The following GPC4 variants were observed in gnomAD, a reference collection of about 807,000 sequenced individuals.
GPC4 encodes the protein glypican 4.
Under a neutral mutation model 35.0 loss-of-function variants are expected in GPC4, and 10 were observed. The observed-to-expected ratio is 0.29, with a 90% CI of 0.18 to 0.48. The LOEUF (loss-of-function observed/expected upper bound fraction) is 0.48, where lower values mean the gene tolerates loss of function less well. GPC4 is among the 20% of genes least tolerant of loss of function. The pLI is 0.99. For missense variants in GPC4, 322 were observed against 451.3 expected, an observed-to-expected ratio of 0.71 and a Z score of 2.60; for synonymous variants, 167 against 170.2, an observed-to-expected ratio of 0.98 and a Z score of 0.15.
At position 133,362,323 on chromosome X, in the gene GPC4, C is replaced by T. The variant is rs1302898117; in HGVS notation, c.161-22982G>A. Among the ~76,000 whole-genome samples, 3 of 110,728 alleles carry T rather than the reference C, an allele frequency of 2.7e-5. No individual in the cohort carries two copies. The Admixed American group carries it at 2.9e-4, about 11-fold the overall frequency. ...AAACAGTGGGTCACTCATTTTTGTT[C>T]TAAAAATGTCAATGTACCAAATGTC... is the stretch of plus-strand genomic sequence containing the variant. On this transcript the variant is annotated intron_variant, in intron 1 of 8. Coordinates refer to ENST00000370828, the MANE Select transcript of GPC4 (RefSeq NM_001448.3).
rs754737646 is a variant in GPC4, at chrX:133,302,909, G to A, written c.1629C>T (p.Val543=). Residue 543 remains valine, a synonymous_variant, in exon 9 of 9, where the codon GTC becomes GTT. Coordinates refer to ENST00000370828, the MANE Select transcript of GPC4 (RefSeq NM_001448.3). ...RPGAQAYLLT[V]FCILFLVMQR... ...GCATAACCAGGAACAAGATGCAGAAGACAGTGAGGAGGTAGGCCTGTGCCC... is the reference window on the plus strand; with the variant it reads ...GCATAACCAGGAACAAGATGCAGAAAACAGTGAGGAGGTAGGCCTGTGCCC... 7 of 1,209,988 alleles carry A rather than the reference G, an allele frequency of 5.8e-6. No homozygotes were observed. In the South Asian group the frequency reaches 1.1e-4, roughly 18 times the overall value.
chrX:133,362,738 T>C (rs1031988418), intron 1 of GPC4, among the ~76,000 whole-genome samples: 1 of 111,977 alleles, frequency 8.9e-6, no homozygotes, highest in Non-Finnish European at 1.9e-5. Flanking sequence ...GTGTGATGGC[T>C]CACACAATCT....
intron 2 of GPC4, among the ~76,000 whole-genome samples, chrX:133,334,687 C>T (rs1462048446): frequency 8.9e-6 from 1 of 111,782 alleles, no homozygotes; most frequent in African/African-American, 3.3e-5. Context: ...CCCCAGGTCA[C>T]AGTCACAGTG....
rs766166275 is a variant in GPC4, at chrX:133,340,389, G to A, written c.161-1048C>T. On this transcript the variant is annotated intron_variant, in intron 1 of 8. Transcript: ENST00000370828. ...ATTGGTGTGGTATAATTTTGTACAC[G>A]TTTACAAGGATTGACTCTCACTGTT... Among the ~76,000 whole-genome samples, 3 of 111,543 alleles carry A rather than the reference G, an allele frequency of 2.7e-5. No individual in the cohort carries two copies. In the South Asian group the frequency reaches 1.1e-3, roughly 43 times the overall value.
intron 1 of GPC4, among the ~76,000 whole-genome samples, chrX:133,411,113 A>G (rs1332094396): frequency 8.9e-6 from 1 of 112,609 alleles, no homozygotes; most frequent in Non-Finnish European, 1.9e-5. Flanking sequence ...TTTTCCACGT[A>G]GTCATAACAG....
chrX:133,396,646 T>A (rs1396295484), intron 1 of GPC4, among the ~76,000 whole-genome samples: 1 of 111,810 alleles, frequency 8.9e-6, no homozygotes, highest in African/African-American at 3.2e-5. Flanking sequence ...AACAGCCGAG[T>A]TGCCATTAGT....
chrX:133,386,987 G>A (rs898251657), intron 1 of GPC4, among the ~76,000 whole-genome samples: 3 of 111,211 alleles, frequency 2.7e-5, no homozygotes, highest in African/African-American at 9.8e-5. Flanking sequence ...AGTTTCATGC[G>A]ACCTGACATG....
At chrX:133,390,120 C>T (rs755205625) in intron 1 of GPC4, among the ~76,000 whole-genome samples, 102 of 110,703 alleles carry the variant, frequency 9.2e-4, no homozygotes, top group African/African-American at 3.3e-3. Context: ...CCCAAGCCAG[C>T]GTTCTCGTTA....
intron 1 of GPC4, among the ~76,000 whole-genome samples, chrX:133,356,798 C>G (rs1404810529): frequency 9.0e-6 from 1 of 111,650 alleles, no homozygotes; most frequent in Non-Finnish European, 1.9e-5. Flanking sequence ...TAAGACACTC[C>G]ACATCACCAA....
At chrX:133,378,950 T>C (rs1300871698) in intron 1 of GPC4, among the ~76,000 whole-genome samples, 4 of 111,865 alleles carry the variant, frequency 3.6e-5, no homozygotes, top group Non-Finnish European at 7.5e-5. Flanking sequence ...CCTAAGAAAA[T>C]GAGCACAGAC....
At position 133,326,943 on chromosome X, in the gene GPC4, G is replaced by A. The variant is rs183118938; in HGVS notation, c.320-2407C>T. 3.7e-4 allele frequency among the ~76,000 whole-genome samples: 42 copies of A among 112,646 alleles called. 1 individual carries two copies. The highest frequency in any genetic ancestry group is 1.3e-3 in the African/African-American group (41 of 31,034). ...CTAGCATCCTTGCCAAGTGGTGATT[G>A]CTCATGGAGGGCATAAAAGGCACAC... On this transcript the variant is annotated intron_variant, in intron 2 of 8. Coordinates refer to ENST00000370828, the MANE Select transcript of GPC4 (RefSeq NM_001448.3).
intron 1 of GPC4, among the ~76,000 whole-genome samples, chrX:133,402,323 G>T (rs2068770184): frequency 8.9e-6 from 1 of 112,109 alleles, no homozygotes; most frequent in African/African-American, 3.2e-5. Flanking sequence ...CTGGGATGAT[G>T]ACGTCAAGGG....
intron 1 of GPC4, among the ~76,000 whole-genome samples, chrX:133,352,953 G>A (rs2068523090): frequency 8.9e-6 from 1 of 112,098 alleles, no homozygotes; most frequent in Middle Eastern, 4.6e-3. Context: ...AAGTATTAAT[G>A]TGTCTACTTA....
At chrX:133,303,913 G>GGAAGGAAGGAAGGAAT (rs1569340100) in intron 7 of GPC4, among the ~76,000 whole-genome samples, 2 of 101,854 alleles carry the variant, frequency 2.0e-5, no homozygotes, top group Admixed American at 2.2e-4. Flanking sequence ...GAGGAAGGAA[G>GGAAGGAAGGAAGGAAT]GAAGGAAGGA....
chrX:133,324,076 T>C, intron 3 of GPC4, 69 bp downstream of exon 3: 1 of 1,098,657 alleles, frequency 9.1e-7, no homozygotes, highest in South Asian at 2.2e-5. Flanking sequence ...TTTCTACCTT[T>C]CCCAAACATT....
intron 1 of GPC4, among the ~76,000 whole-genome samples, chrX:133,360,389 G>A (rs770408734): frequency 4.3e-4 from 48 of 111,362 alleles, no homozygotes; most frequent in Admixed American, 2.0e-3. Flanking sequence ...CATATGGAGA[G>A]GCTTTAAAAT....
At chrX:133,364,056 A>G (rs927182527) in intron 1 of GPC4, among the ~76,000 whole-genome samples, 1 of 112,100 alleles carries the variant, frequency 8.9e-6, no homozygotes, top group African/African-American at 3.2e-5. Context: ...TTTCATGGGT[A>G]TGCCACATTT....
At chrX:133,377,877 C>CTTTTTT (rs59474368) in intron 1 of GPC4, among the ~76,000 whole-genome samples, 5 of 86,179 alleles carry the variant, frequency 5.8e-5, no homozygotes, top group Non-Finnish European at 9.0e-5. Context: ...TTTTCTTTTT[C>CTTTTTT]TTTTTTTTTT....
At chrX:133,398,771 G>GAA (rs902350182) in intron 1 of GPC4, among the ~76,000 whole-genome samples, 33 of 79,263 alleles carry the variant, frequency 4.2e-4, no homozygotes, top group African/African-American at 1.2e-3. Flanking sequence ...CTGTCTCAGA[G>GAA]AAAAAAAAAA....
Sources: gnomAD v4.1 joint callset for allele counts (sites outside exome capture counted in the v4.1 genomes callset) on GRCh38, gnomAD v4.1.1 for gene constraint, MANE v1.5 for transcripts, NCBI Gene and HGNC (gene_info 2026-07-23, HGNC 2026-07-21) for gene names.